The following TRPM6 variants were observed in gnomAD, a reference collection of about 807,000 sequenced individuals.
TRPM6 encodes channel kinase 2.
A neutral mutation model predicts 247.6 loss-of-function variants in TRPM6; 111 were observed. That is an observed-to-expected ratio of 0.45 (90% CI 0.38 to 0.52). TRPM6 has a LOEUF of 0.52. Among genes scored for constraint, TRPM6 ranks in the 20% least tolerant of loss-of-function variants. TRPM6 has a pLI of 0.00. For missense variants in TRPM6, 2,126 were observed against 2,421.5 expected (o/e 0.88, Z 2.56); for synonymous variants, 892 against 853.8 (o/e 1.04, Z -0.78).
chr9:74,806,576 T>C (rs928930610), intron 14 of TRPM6, among the ~76,000 whole-genome samples: 9 of 152,234 alleles, frequency 5.9e-5, no homozygotes, highest in South Asian at 2.1e-4. Flanking sequence ...ATAGTAATTA[T>C]CATAATGACC....
intron 1 of TRPM6, among the ~76,000 whole-genome samples, chr9:74,873,356 C>A (rs778402495): frequency 5.9e-5 from 9 of 152,196 alleles, no homozygotes; most frequent in Non-Finnish European, 1.2e-4. Flanking sequence ...ACCCACTGTA[C>A]TCTATGTCTC....
intron 31 of TRPM6, among the ~76,000 whole-genome samples, chr9:74,745,652 C>CA (rs1214673759): frequency 6.6e-6 from 1 of 152,038 alleles, no homozygotes; most frequent in Non-Finnish European, 1.5e-5. Context: ...TAAGTAACAG[C>CA]AAGTGTGAAT....
intron 18 of TRPM6, among the ~76,000 whole-genome samples, chr9:74,796,327 C>T (rs1261552754): frequency 6.6e-6 from 1 of 152,190 alleles, no homozygotes; most frequent in Non-Finnish European, 1.5e-5. Flanking sequence ...GAAAAGGCTG[C>T]ATCTGCCTTA....
chr9:74,837,616 T>G (rs950712906), intron 5 of TRPM6, among the ~76,000 whole-genome samples: 26 of 152,076 alleles, frequency 1.7e-4, no homozygotes, highest in African/African-American at 5.8e-4. Context: ...TCGGCTAATT[T>G]TTTGTATTTT....
Position 74,736,753 on chromosome 9 carries a change from T to C in TRPM6, c.5776+1654A>G, listed in dbSNP as rs532032674. On this transcript the variant is annotated intron_variant, in intron 36 of 38. Coordinates refer to ENST00000360774, the MANE Select transcript of TRPM6 (RefSeq NM_017662.5). ...GAGCGGCCTATTTCTGCAATTCACATAATTGCCCATTAAAAGAATAAAGTT... is the reference window on the plus strand; with the variant it reads ...GAGCGGCCTATTTCTGCAATTCACACAATTGCCCATTAAAAGAATAAAGTT... Among the ~76,000 whole-genome samples the C allele has an allele frequency of 2.6e-5, 4 of 152,338 alleles. No homozygotes were observed. In the South Asian group the frequency reaches 8.3e-4, roughly 32 times the overall value.
intron 1 of TRPM6, among the ~76,000 whole-genome samples, chr9:74,883,157 C>T (rs1363195092): frequency 6.6e-6 from 1 of 152,122 alleles, no homozygotes; most frequent in African/African-American, 2.4e-5. Context: ...ATTATGTCCT[C>T]AAGGTTCATC....
intron 38 of TRPM6, 67 bp downstream of exon 38, chr9:74,728,172 C>G (rs543360142): frequency 4.2e-6 from 5 of 1,178,836 alleles, no homozygotes; most frequent in Non-Finnish European, 6.4e-6. Context: ...CTACTTTATC[C>G]CAGGTTACAA....
intron 37 of TRPM6, among the ~76,000 whole-genome samples, chr9:74,730,211 T>C (rs1288477670): frequency 1.3e-5 from 2 of 152,182 alleles, no homozygotes; most frequent in Non-Finnish European, 2.9e-5. Context: ...ATTAGTGCCA[T>C]CTATACATAG....
intron 1 of TRPM6, among the ~76,000 whole-genome samples, chr9:74,874,241 C>CAAAAAAAAAAA (rs55659846): frequency 7.3e-6 from 1 of 137,270 alleles, no homozygotes. Context: ...GTCTTAAAAA[C>CAAAAAAAAAAA]AAAAAAAAAA....
intron 27 of TRPM6, among the ~76,000 whole-genome samples, chr9:74,756,788 G>A (rs1826442824): frequency 6.6e-6 from 1 of 151,674 alleles, no homozygotes; most frequent in East Asian, 1.9e-4. Flanking sequence ...GACAGAGGTT[G>A]CAATAAGCTG....
chr9:74,732,768 ATGGAGATTTCAT>A (rs1825566325), intron 36 of TRPM6, 32 bp from the exon 37 acceptor site: 1 of 1,521,560 alleles, frequency 6.6e-7, no homozygotes, highest in Non-Finnish European at 9.1e-7. Context: ...CGTTTAGCAA[ATGGAGATTTCAT>A]TTTCTTAGAA....
intron 26 of TRPM6, 23 bp downstream of exon 26, chr9:74,761,976 T>C (rs979851551): frequency 1.2e-6 from 2 of 1,609,636 alleles, no homozygotes; most frequent in Non-Finnish European, 1.7e-6. Flanking sequence ...TTAATGCTGA[T>C]ATTTTAAATG....
intron 11 of TRPM6, among the ~76,000 whole-genome samples, chr9:74,815,506 G>A (rs941312121): frequency 2.0e-5 from 3 of 152,124 alleles, no homozygotes; most frequent in Non-Finnish European, 2.9e-5. Context: ...CAAAGAGGAA[G>A]ACAAGGACAT....
At chr9:74,785,188 A>C (rs1369683890) in intron 21 of TRPM6, among the ~76,000 whole-genome samples, 2 of 152,168 alleles carry the variant, frequency 1.3e-5, no homozygotes, top group African/African-American at 4.8e-5. Flanking sequence ...AAAAGAAGCC[A>C]GGCGTGATGG....
chr9:74,857,971 A>G (rs901511558), intron 2 of TRPM6, among the ~76,000 whole-genome samples: 2 of 152,250 alleles, frequency 1.3e-5, no homozygotes, highest in African/African-American at 2.4e-5. Context: ...TGGATGTAAC[A>G]CTAGATATTT....
chr9:74,742,707 C>T lies in TRPM6; in HGVS notation c.5135-81G>A. ...GAAAGCCTCTCCACATCAATATATT[C>T]ATATAATGCTATTTAATTTCAAAGA... is the stretch of plus-strand genomic sequence containing the variant. On this transcript the variant is annotated intron_variant, in intron 32 of 38. Coordinates refer to ENST00000360774, the MANE Select transcript of TRPM6 (RefSeq NM_017662.5). 7.0e-6 allele frequency: 8 copies of T among 1,146,004 alleles called. No individual in the cohort carries two copies. The Admixed American group carries it at 1.4e-4, about 20-fold the overall frequency. 71.0% of individuals were successfully genotyped at this position (1,146,004 alleles called of 1,614,324 possible).
At chr9:74,767,725 T>A (rs1050199188) in intron 25 of TRPM6, among the ~76,000 whole-genome samples, 1 of 152,066 alleles carries the variant, frequency 6.6e-6, no homozygotes, top group African/African-American at 2.4e-5. Context: ...TCCCAGCACT[T>A]TGGGAGACTG....
At chr9:74,774,604 C>A (rs1006829310) in intron 24 of TRPM6, among the ~76,000 whole-genome samples, 1 of 152,142 alleles carries the variant, frequency 6.6e-6, no homozygotes, top group Admixed American at 6.5e-5. Flanking sequence ...GACCTGTCCC[C>A]CTAAGGACCT....
rs56322352 is a variant in TRPM6, at chr9:74,821,761, A to G, written c.918T>C (p.Thr306=). 1 of 1,614,158 alleles carries G rather than the reference A, an allele frequency of 6.2e-7. No individual in the cohort carries two copies. Among genetic ancestry groups the G allele is most frequent in the East Asian group, 2.2e-5 (1 of 44,878 alleles). Residue 306 remains threonine, a synonymous_variant, in exon 8 of 39, where the codon ACT becomes ACC. Transcript: ENST00000360774. ...CCACCACTGGGTCCTTGTCCTTGAC[A>G]GTCTCCCACACTGACAGGATGACGT... ...GPNVILSVWE[T]VKDKDPVVVC...
Sources: allele counts gnomAD v4.1 joint callset (sites outside exome capture counted in the v4.1 genomes callset), GRCh38; gene constraint gnomAD v4.1.1; transcripts MANE v1.5; gene names NCBI Gene and HGNC (gene_info 2026-07-23, HGNC 2026-07-21).